The following TRMT44 variants were observed in gnomAD, a reference collection of about 807,000 sequenced individuals.
The protein encoded by TRMT44 is probable tRNA (uracil-O(2)-)-methyltransferase.
TRMT44 carries 78 observed loss-of-function variants against 77.3 expected under a neutral mutation model. The observed-to-expected ratio is 1.01, with a 90% confidence interval of 0.84 to 1.22. The LOEUF is 1.22. Among genes scored for constraint, TRMT44 ranks in the 50% most tolerant of loss-of-function variants. The probability of loss-of-function intolerance (pLI) is 0.00; values close to 1 mark genes in which losing one functional copy is unlikely to be tolerated. For synonymous variants in TRMT44, 391 were observed against 383.3 expected (o/e 1.02, Z -0.23); for missense variants, 1,090 against 964.4 (o/e 1.13, Z -1.73).
At chr4:8,500,572 G>C in the TRMT44 span, among the ~76,000 whole-genome samples, 4 of 151,962 alleles carry the variant, frequency 2.6e-5, no homozygotes, top group Admixed American at 2.0e-4. Flanking sequence ...ACTCAGCTCA[G>C]TGTGTCCTGG....
chr4:8,441,780 G>A (rs1406754007), intron 1 of TRMT44, among the ~76,000 whole-genome samples: 1 of 152,160 alleles, frequency 6.6e-6, no homozygotes, highest in African/African-American at 2.4e-5. Flanking sequence ...GTCCGGTGGC[G>A]ACGAAGGAAT....
Position 8,441,269 on chromosome 4 carries a change from C to G in TRMT44, c.447C>G (p.Phe149Leu), listed in dbSNP as rs576055525. 1 of 1,535,600 alleles carries G rather than the reference C, an allele frequency of 6.5e-7. No individual in the cohort carries two copies. Among genetic ancestry groups the G allele is most frequent in the Non-Finnish European group, 8.7e-7 (1 of 1,146,670 alleles). ...AADLDSLWED[F>L]SQSLARGNSE... Reference sequence around the variant, plus strand: ...ATCTGGATTCGCTTTGGGAGGATTTCTCCCAAAGTCTCGCCCGTGGCAATT... The same window carrying G: ...ATCTGGATTCGCTTTGGGAGGATTTGTCCCAAAGTCTCGCCCGTGGCAATT... Residue 149 changes from phenylalanine (F) to leucine (L), a missense_variant, in exon 1 of 11, where the codon TTC (phenylalanine) becomes TTG (leucine). Transcript: ENST00000389737.
intron 8 of TRMT44, 21 bp from the exon 9 acceptor site, chr4:8,467,893 C>A: frequency 6.4e-7 from 1 of 1,573,926 alleles, no homozygotes; most frequent in Non-Finnish European, 8.6e-7. Context: ...AAAATACTTG[C>A]TTTGCTTTCT....
chr4:8,464,584 G>A (rs1303471831), intron 7 of TRMT44, among the ~76,000 whole-genome samples: 1 of 152,230 alleles, frequency 6.6e-6, no homozygotes, highest in Non-Finnish European at 1.5e-5. Flanking sequence ...TCGTTGCTGA[G>A]TCTCCTTATC....
At chr4:8,465,732 C>T (rs1645826483) in intron 8 of TRMT44, among the ~76,000 whole-genome samples, 171 bp downstream of exon 8, 1 of 152,116 alleles carries the variant, frequency 6.6e-6, no homozygotes, top group African/African-American at 2.4e-5. Context: ...TTGTTCTGTC[C>T]CATGGTGCCC....
rs777323325 is a variant in TRMT44 at position 8,465,365 on chromosome 4, G to A, written c.1311-13G>A. 36 of 1,601,338 alleles carry A rather than the reference G, an allele frequency of 2.2e-5. 1 individual carries two copies. Among genetic ancestry groups the A allele is most frequent in the Non-Finnish European group, 2.8e-5 (33 of 1,173,904 alleles). On this transcript the variant is annotated splice_polypyrimidine_tract_variant and intron_variant, in intron 7 of 10. Transcript: ENST00000389737. ...AGGATGCTTGACCCTGTGGTTGTTG[G>A]TTCTTTTTGAAGGTCTTCCTACAAT...
downstream of TRMT44, among the ~76,000 whole-genome samples, chr4:8,480,909 C>G (rs1168350795): frequency 6.6e-6 from 1 of 152,158 alleles, no homozygotes; most frequent in Non-Finnish European, 1.5e-5. Context: ...ATGTGTTTAA[C>G]CATATTTTGA....
chr4:8,441,478 TA>T (rs1371907775), intron 1 of TRMT44, 37 bp downstream of exon 1: 2 of 1,444,888 alleles, frequency 1.4e-6, no homozygotes, highest in East Asian at 5.1e-5. Context: ...TATGATTAGA[TA>T]AAAAAGCATT....
downstream of TRMT44, among the ~76,000 whole-genome samples, chr4:8,498,128 C>G (rs1378150398): frequency 6.6e-6 from 1 of 152,064 alleles, no homozygotes; most frequent in African/African-American, 2.4e-5. This position sits in a 1 kb window ranked among gnomAD's most constrained non-coding sequence, Gnocchi z 4.3. Flanking sequence ...TGTGGGTTCC[C>G]CTTCTCCGGG....
rs907118500 is a variant in TRMT44 at position 8,476,038 on chromosome 4, C to T, written c.*37C>T. 8.1e-6 allele frequency: 13 copies of T among 1,596,312 alleles called. 1 individual carries two copies. Among genetic ancestry groups the T allele is most frequent in the Admixed American group, 1.7e-5 (1 of 59,338 alleles). On this transcript the variant is annotated 3_prime_UTR_variant, in exon 11 of 11. Coordinates refer to ENST00000389737, the MANE Select transcript of TRMT44 (RefSeq NM_152544.3). ...GCCAGCCGAGGCCTGGTTGGGGAGG[C>T]CAAACCAAGGAGAGCTTCCCCAGCA...
intron 1 of TRMT44, among the ~76,000 whole-genome samples, chr4:8,443,103 G>C (rs1222392671): frequency 3.3e-5 from 5 of 152,192 alleles, no homozygotes; most frequent in African/African-American, 1.2e-4. Context: ...TCCCAATACT[G>C]TCTGCCTCTG....
chr4:8,441,573 T>C (rs1160605493), intron 1 of TRMT44, 132 bp downstream of exon 1: 1 of 1,085,994 alleles, frequency 9.2e-7, no homozygotes, highest in Admixed American at 3.4e-5. Flanking sequence ...TGTTTCATAG[T>C]TTTTTGAGTG....
chr4:8,440,856 C>A lies in TRMT44; in HGVS notation c.34C>A (p.Pro12Thr). Residue 12 changes from proline to threonine, a missense_variant, in exon 1 of 11, where the codon CCA (proline) becomes ACA (threonine). Pro to Thr is a conservative substitution (Grantham distance 38). Transcript: ENST00000389737. ...GGTGGGCCGTACCGGGATCAGCTAC[C>A]CAGGCGCGCTTCTCCCACAGGGCTT... ...AEVGRTGISY[P>T]GALLPQGFWA... 6.6e-7 allele frequency: 1 copy of A among 1,516,878 alleles called. No homozygotes were observed. Among genetic ancestry groups the A allele is most frequent in the Non-Finnish European group, 8.8e-7 (1 of 1,138,906 alleles). The allele number at this position is 1,516,878 out of a possible 1,614,324, so 94.0% of individuals were successfully genotyped here.
downstream of TRMT44, chr4:8,478,364 A>C (rs1560246158): frequency 6.6e-6 from 1 of 152,440 alleles, no homozygotes; most frequent in Non-Finnish European, 1.5e-5. Flanking sequence ...GAGCTATGCT[A>C]AGTGGGGCCC....
downstream of TRMT44, among the ~76,000 whole-genome samples, chr4:8,498,146 C>T (rs549366045): frequency 6.6e-6 from 1 of 152,072 alleles, no homozygotes; most frequent in Non-Finnish European, 1.5e-5. This position sits in a 1 kb window ranked among gnomAD's most constrained non-coding sequence, Gnocchi z 4.3. Context: ...GGGGTTTTCT[C>T]CTCAATTTTC....
chr4:8,487,193 T>TG (rs898925534), intron 2 of TRMT44, among the ~76,000 whole-genome samples: 7 of 152,190 alleles, frequency 4.6e-5, no homozygotes, highest in Non-Finnish European at 1.0e-4. Context: ...GAGTTTGTAT[T>TG]GGGGTCAAGC....
intron 5 of TRMT44, chr4:8,453,794 G>A (rs1319267114): frequency 6.6e-6 from 1 of 152,262 alleles, no homozygotes; most frequent in African/African-American, 2.4e-5. Flanking sequence ...GCAACAGCTG[G>A]AACCTGCAGC....
the TRMT44 span, among the ~76,000 whole-genome samples, chr4:8,503,679 G>A: frequency 2.0e-5 from 3 of 152,326 alleles, no homozygotes; most frequent in East Asian, 5.8e-4. Context: ...CGGGAGTCAG[G>A]TGGTCACAGG....
At chr4:8,510,268 G>T in the TRMT44 span, 2 of 152,720 alleles carry the variant, frequency 1.3e-5, no homozygotes, top group African/African-American at 4.8e-5. Context: ...CCAGCTCCTG[G>T]AAGCCTCTCG....
Sources: allele counts gnomAD v4.1 joint callset (sites outside exome capture counted in the v4.1 genomes callset), GRCh38; gene constraint gnomAD v4.1.1; non-coding constraint Gnocchi (gnomAD v3.1); transcripts MANE v1.5; gene names NCBI Gene and HGNC (gene_info 2026-07-23, HGNC 2026-07-21).